The following VAV3 variants were observed in gnomAD, a reference collection of about 807,000 sequenced individuals.
VAV3 encodes guanine nucleotide exchange factor VAV3.
VAV3 carries 94 observed loss-of-function variants against 131.2 expected under a neutral mutation model. The observed-to-expected ratio is 0.72, with a 90% CI of 0.61 to 0.85. The LOEUF (loss-of-function observed/expected upper bound fraction) is 0.85. VAV3 is among the 40% of genes least tolerant of loss of function. The probability of loss-of-function intolerance (pLI) is 0.00; values close to 1 mark genes in which losing one functional copy is unlikely to be tolerated. For synonymous variants in VAV3, 349 were observed against 342.0 expected, an observed-to-expected ratio of 1.02 and a Z score of -0.22; for missense variants, 939 against 1,002.7, an observed-to-expected ratio of 0.94 and a Z score of 0.86.
At chr1:107,642,498 C>A in intron 20 of VAV3, 121 bp downstream of exon 20, 7 of 1,182,416 alleles carry the variant, frequency 5.9e-6, no homozygotes, top group Non-Finnish European at 7.1e-6. Context: ...TATTCCTTTA[C>A]TTTCTTAATC....
intron 1 of VAV3, among the ~76,000 whole-genome samples, chr1:107,899,178 C>T (rs1456711121): frequency 6.6e-6 from 1 of 152,070 alleles, no homozygotes; most frequent in African/African-American, 2.4e-5. Flanking sequence ...TTTCACAATG[C>T]AGTTATTATT....
intron 19 of VAV3, among the ~76,000 whole-genome samples, chr1:107,678,536 G>A (rs974369328): frequency 1.3e-5 from 2 of 151,996 alleles, no homozygotes; most frequent in African/African-American, 2.4e-5. Flanking sequence ...TTTTCTCAAT[G>A]TTTTCTATTT....
At chr1:107,928,462 G>A (rs1318064158) in intron 1 of VAV3, among the ~76,000 whole-genome samples, 1 of 152,180 alleles carries the variant, frequency 6.6e-6, no homozygotes, top group Admixed American at 6.5e-5. Context: ...TGACCTTTCA[G>A]ACAGAGAATT....
intron 20 of VAV3, among the ~76,000 whole-genome samples, chr1:107,626,545 T>C (rs1570638088): frequency 6.6e-6 from 1 of 152,312 alleles, no homozygotes; most frequent in East Asian, 1.9e-4. Flanking sequence ...ACAGTTTCAA[T>C]TCTGCCTTGG....
chr1:107,808,688 AT>A (rs1667176902), intron 2 of VAV3, among the ~76,000 whole-genome samples: 1 of 152,094 alleles, frequency 6.6e-6, no homozygotes, highest in South Asian at 2.1e-4. Flanking sequence ...TGCCCCAATG[AT>A]TCAGAGTATA....
intron 15 of VAV3, among the ~76,000 whole-genome samples, chr1:107,723,954 T>C (rs1396070095): frequency 6.6e-6 from 1 of 152,204 alleles, no homozygotes; most frequent in Non-Finnish European, 1.5e-5. Flanking sequence ...AGGTAGCTAT[T>C]ATGTCTCCAT....
rs568311402 is a variant in VAV3, at chr1:107,662,557, T to C, written c.1778-19802A>G. Among the ~76,000 whole-genome samples, 32 of 152,346 alleles carry C rather than the reference T, an allele frequency of 2.1e-4. No homozygotes were observed. The South Asian group carries it at 4.1e-3, about 20-fold the overall frequency. The stretch of plus-strand genomic sequence containing the variant: ...TTAGAGGCCCAATAGTTATCTTTTC[T>C]ATTTCATTAAAAGCACTAAGAGTTG... On this transcript the variant is annotated intron_variant, in intron 19 of 26. Transcript: ENST00000370056.
In VAV3 at chr1:107,922,665, C is replaced by T. The variant is rs184322697; in HGVS notation, c.204+42001G>A. On this transcript the variant is annotated intron_variant, in intron 1 of 26. Transcript: ENST00000370056. ...AATAAATTGCACATATTAAAGAGCA[C>T]AATTTGGCCGGGCGCGGTGGCTCAC... Among the ~76,000 whole-genome samples the T allele has an allele frequency of 7.6e-3, 1,163 of 152,120 alleles. 8 individuals are homozygous for T. Among genetic ancestry groups the T allele is most frequent in the South Asian group, 0.018 (88 of 4,830 alleles).
intron 2 of VAV3, among the ~76,000 whole-genome samples, chr1:107,796,798 A>ATATAT (rs1553210366): frequency 1.9e-5 from 2 of 107,994 alleles, no homozygotes; most frequent in East Asian, 4.6e-4. Context: ...TGTAAAAAAA[A>ATATAT]AAAAAAATAT....
At chr1:107,820,159 CCT>C (rs1326213122) in intron 2 of VAV3, among the ~76,000 whole-genome samples, 4 of 152,132 alleles carry the variant, frequency 2.6e-5, no homozygotes, top group African/African-American at 7.2e-5. Context: ...TCTGCACTCC[CCT>C]GTTTATCACA....
chr1:107,921,189 G>A (rs1672883596), intron 1 of VAV3, among the ~76,000 whole-genome samples: 1 of 152,120 alleles, frequency 6.6e-6, no homozygotes, highest in Non-Finnish European at 1.5e-5. Flanking sequence ...CTCATCGCTT[G>A]CTGCAGATAT....
At chr1:107,763,588 A>G (rs576156136) in intron 9 of VAV3, among the ~76,000 whole-genome samples, 20 of 152,346 alleles carry the variant, frequency 1.3e-4, no homozygotes, top group African/African-American at 4.6e-4. Flanking sequence ...AGGAGGCTCT[A>G]TTCTGCAAAG....
rs369125543 is a variant in VAV3 at position 107,732,257 on chromosome 1, G to A, written c.1502+16711C>T. ...CTTGGGCAGCCGTTTCAAGATGACCGAATAGGAACAGCTCCGGTCTGCAGC... is the reference window on the plus strand; with the variant it reads ...CTTGGGCAGCCGTTTCAAGATGACCAAATAGGAACAGCTCCGGTCTGCAGC... On this transcript the variant is annotated intron_variant, in intron 15 of 26. Transcript: ENST00000370056. 2.0e-4 allele frequency among the ~76,000 whole-genome samples: 31 copies of A among 152,296 alleles called. No homozygotes were observed. The East Asian group carries it at 5.8e-3, about 28-fold the overall frequency.
chr1:107,842,070 T>G (rs1668738702), intron 2 of VAV3, among the ~76,000 whole-genome samples: 1 of 152,162 alleles, frequency 6.6e-6, no homozygotes, highest in Non-Finnish European at 1.5e-5. Flanking sequence ...TGCCCCAAAT[T>G]ACTCAAAAAC....
intron 12 of VAV3, among the ~76,000 whole-genome samples, chr1:107,752,850 A>G (rs189432819): frequency 1.4e-4 from 21 of 152,316 alleles, no homozygotes; most frequent in African/African-American, 5.1e-4. Context: ...CATTGGTAGT[A>G]GGAAAGTTAA....
Position 107,596,265 on chromosome 1 carries a change from T to C in VAV3, c.2297A>G (p.Tyr766Cys). ...RTLDTTLQFP[Y>C]KEPEHSAGQR... ...TCCAGCTGAATGTTCTGGCTCCTTG[T>C]ATGGAAACTGCAGAGTTGTATCTAA... The change falls in exon 25 of 27, where the codon TAC becomes TGC. Residue 766 changes from tyrosine (Y) to cysteine (C), a missense_variant. By Grantham distance (194) the Tyr-to-Cys change is radical (BLOSUM62 -2). Coordinates refer to ENST00000370056, the MANE Select transcript of VAV3 (RefSeq NM_006113.5). 6.2e-7 allele frequency: 1 copy of C among 1,613,666 alleles called. No homozygotes were observed. Among genetic ancestry groups the C allele is most frequent in the Non-Finnish European group, 8.5e-7 (1 of 1,179,628 alleles).
At chr1:107,851,171 C>CAAAAAAAAAAA (rs35609784) in intron 2 of VAV3, among the ~76,000 whole-genome samples, 19 of 68,490 alleles carry the variant, frequency 2.8e-4, no homozygotes, top group Admixed American at 5.9e-4. Flanking sequence ...GACTCCGTCT[C>CAAAAAAAAAAA]AAAAAAAAAA....
rs1392497699 is a variant in VAV3 at position 107,965,034 on chromosome 1, C to G, written c.-165G>C. On this transcript the variant is annotated 5_prime_UTR_variant, in exon 1 of 27. Coordinates refer to ENST00000370056, the MANE Select transcript of VAV3 (RefSeq NM_006113.5). ...GCCGCGGCTGACGGGTCGCGGGCGC[C>G]GCGCTAGGCTCGGCTCCGGTCCCGG... The G allele has an allele frequency of 2.5e-6, 1 of 396,294 alleles. No homozygotes were observed. The highest frequency in any genetic ancestry group is 2.2e-5 in the African/African-American group (1 of 45,566). 24.5% of individuals were successfully genotyped at this position (396,294 alleles called of 1,614,324 possible).
At chr1:107,646,864 A>G (rs1655777541) in intron 19 of VAV3, among the ~76,000 whole-genome samples, 1 of 151,972 alleles carries the variant, frequency 6.6e-6, no homozygotes, top group Non-Finnish European at 1.5e-5. Flanking sequence ...GAGTTTCCCA[A>G]AACAATACAG....
Sources: allele counts gnomAD v4.1 joint callset (sites outside exome capture counted in the v4.1 genomes callset), GRCh38; gene constraint gnomAD v4.1.1; transcripts MANE v1.5; gene names NCBI Gene and HGNC (gene_info 2026-07-23, HGNC 2026-07-21).